The following ILDR2 variants were observed in gnomAD, a reference collection of about 807,000 sequenced individuals.
The protein encoded by ILDR2 is immunoglobulin-like domain-containing receptor 2.
ILDR2 carries 25 observed loss-of-function variants against 66.8 expected under a neutral mutation model. The observed-to-expected ratio is 0.37, with a 90% CI of 0.27 to 0.52. The LOEUF (loss-of-function observed/expected upper bound fraction) is 0.52, where lower values mean the gene tolerates loss of function less well. ILDR2 is among the 20% of genes least tolerant of loss of function. ILDR2 has a pLI of 0.88. For synonymous variants in ILDR2, 367 were observed against 357.2 expected (o/e 1.03, Z -0.31); for missense variants, 827 against 876.8 (o/e 0.94, Z 0.72).
In ILDR2 at chr1:166,908,655, A is replaced by C. The variant is rs1659396879; in HGVS notation, c.*10700T>G. ...TAATTAGGAGACAACAGGAAGTAGG[A>C]GACAAGAAATGAGGGTACCAGAAGA... On this transcript the variant is annotated 3_prime_UTR_variant, in exon 10 of 10. Coordinates refer to ENST00000271417, the MANE Select transcript of ILDR2 (RefSeq NM_199351.3). 6.6e-6 allele frequency: 1 copy of C among 152,272 alleles called. No individual in the cohort carries two copies. 9.4% of individuals were successfully genotyped at this position (152,272 alleles called of 1,614,324 possible).
At chr1:166,939,128 T>C (rs181738968) in intron 4 of ILDR2, among the ~76,000 whole-genome samples, 24 of 152,338 alleles carry the variant, frequency 1.6e-4, no homozygotes, top group African/African-American at 5.1e-4. Flanking sequence ...GTAACATGGT[T>C]GTACAATAAT....
chr1:166,950,618 T>C (rs1661919204), intron 3 of ILDR2, among the ~76,000 whole-genome samples: 1 of 152,020 alleles, frequency 6.6e-6, no homozygotes, highest in Admixed American at 6.6e-5. Flanking sequence ...CTCCCAAGAA[T>C]TCACTGATTT....
Position 166,924,858 on chromosome 1 carries a change from A to G in ILDR2, c.995-2049T>C, listed in dbSNP as rs181765642. Among the ~76,000 whole-genome samples the G allele has an allele frequency of 4.4e-4, 67 of 152,246 alleles. 1 individual carries two copies. Among genetic ancestry groups the G allele is most frequent in the Admixed American group, 3.8e-3 (58 of 15,304 alleles). On this transcript the variant is annotated intron_variant, in intron 7 of 9. Coordinates refer to ENST00000271417, the MANE Select transcript of ILDR2 (RefSeq NM_199351.3). The stretch of plus-strand genomic sequence containing the variant: ...AGCAAGATCTTCATCTTTATAAAAA[A>G]TTAAAAAATTAGTTGTGCATGGTGG...
At chr1:166,901,575 GT>G (rs959343394) in intron 2 of ILDR2, among the ~76,000 whole-genome samples, 16 of 151,880 alleles carry the variant, frequency 1.1e-4, no homozygotes, top group African/African-American at 3.1e-4. Context: ...GTCCCAATTT[GT>G]TTTTTTTATA....
intron 3 of ILDR2, among the ~76,000 whole-genome samples, chr1:166,955,669 A>G (rs1662237253): frequency 1.3e-5 from 2 of 152,242 alleles, no homozygotes; most frequent in Admixed American, 6.5e-5. Flanking sequence ...CTAAGGCATC[A>G]GAATAGTTGT....
rs1456615864 is a variant in ILDR2, at chr1:166,909,264, C to T, written c.*10091G>A. ...TCTCAGACTGCTAGTGGCTATATTC[C>T]TGCCTTTTGGAGTAAGTCTATCCTC... On this transcript the variant is annotated 3_prime_UTR_variant, in exon 10 of 10. Coordinates refer to ENST00000271417, the MANE Select transcript of ILDR2 (RefSeq NM_199351.3). The T allele has an allele frequency of 6.6e-6, 1 of 152,144 alleles. No individual in the cohort carries two copies. The highest frequency in any genetic ancestry group is 6.5e-5 in the Admixed American group (1 of 15,280). The allele number at this position is 152,144 out of a possible 1,614,324, so 9.4% of individuals were successfully genotyped here.
intron 1 of ILDR2, among the ~76,000 whole-genome samples, chr1:166,972,322 T>A (rs1663353752): frequency 1.3e-5 from 2 of 152,218 alleles, no homozygotes; most frequent in Admixed American, 1.3e-4. Context: ...CAGGAGTGTG[T>A]TCCCAGAGTG....
intron 6 of ILDR2, among the ~76,000 whole-genome samples, chr1:166,933,830 T>A (rs1660780995): frequency 6.6e-6 from 1 of 152,232 alleles, no homozygotes; most frequent in Non-Finnish European, 1.5e-5. Context: ...CATTAACTTT[T>A]ACTTCTCAGT....
At chr1:166,907,705 A>G (rs1221939111), downstream of ILDR2, among the ~76,000 whole-genome samples, 2 of 152,214 alleles carry the variant, frequency 1.3e-5, no homozygotes, top group Admixed American at 6.5e-5. Flanking sequence ...TTAAGAAAAT[A>G]TATTTTAAAA....
intron 6 of ILDR2, among the ~76,000 whole-genome samples, chr1:166,928,074 G>A (rs1225056295): frequency 1.3e-5 from 2 of 152,028 alleles, no homozygotes; most frequent in African/African-American, 2.4e-5. Flanking sequence ...AAGAGAAAGA[G>A]GAAAAAACGA....
rs759311422 is a variant in ILDR2, at chr1:166,936,637, A to G, written c.657T>C (p.Tyr219=). The G allele has an allele frequency of 1.9e-6, 3 of 1,614,006 alleles. No individual in the cohort carries two copies. The highest frequency in any genetic ancestry group is 1.1e-5 in the South Asian group (1 of 91,080). Residue 219 remains tyrosine (Y), a synonymous_variant, in exon 5 of 10, where the codon TAT becomes TAC. Coordinates refer to ENST00000271417, the MANE Select transcript of ILDR2 (RefSeq NM_199351.3). This position sits in a 1 kb window ranked among gnomAD's most constrained non-coding sequence, Gnocchi z 5.0. ...AATCTGGGCAGCATGGGCAGCGGACATAGCAGCAGCAGCTGTGAGGGCAGC... is the reference window on the plus strand; with the variant it reads ...AATCTGGGCAGCATGGGCAGCGGACGTAGCAGCAGCAGCTGTGAGGGCAGC... The part of the protein sequence containing the change: ...CQCCPHSCCC[Y]VRCPCCPDSC...
rs766727495 is a variant in ILDR2 at position 166,920,816 on chromosome 1, G to A, written c.1775C>T (p.Pro592Leu). Residue 592 changes from proline to leucine, a missense_variant, in exon 9 of 10, where the codon CCG becomes CTG. Pro to Leu is a moderately conservative substitution (Grantham distance 98). This residue lies in a region of ILDR2 where 390 missense variants were observed against 353.6 expected (regional missense o/e 1.10). Transcript: ENST00000271417. ...GGTCAGCTCCAGCTCGCTGTAGGGC[G>A]GCAGCGCGTCGTCGGACGCGTCCTC... is the stretch of plus-strand genomic sequence containing the variant. ...DQEDASDDAL[P>L]PYSELELTRG... 1.3e-6 allele frequency: 2 copies of A among 1,526,122 alleles called. No homozygotes were observed. Among genetic ancestry groups the A allele is most frequent in the South Asian group, 1.2e-5 (1 of 81,614 alleles). 94.5% of individuals were successfully genotyped at this position (1,526,122 alleles called of 1,614,324 possible).
chr1:166,939,395 A>C, intron 4 of ILDR2, 119 bp downstream of exon 4: 2 of 813,728 alleles, frequency 2.5e-6, no homozygotes, highest in Non-Finnish European at 4.2e-6. Context: ...CCTGGAAAAG[A>C]TCAGAGACAT....
chr1:166,920,661 C>T, intron 9 of ILDR2, 46 bp downstream of exon 9: 3 of 1,342,002 alleles, frequency 2.2e-6, no homozygotes, highest in Non-Finnish European at 1.9e-6. Flanking sequence ...TGCCTGGAGG[C>T]TCCCGCTCAG....
intron 3 of ILDR2, among the ~76,000 whole-genome samples, chr1:166,942,801 C>T (rs780174702): frequency 6.6e-6 from 1 of 152,242 alleles, no homozygotes; most frequent in African/African-American, 2.4e-5. Context: ...AATTGCTAGC[C>T]CTTCTTATTT....
At position 166,910,678 on chromosome 1, in the gene ILDR2, T is replaced by C. The variant is rs1243424025; in HGVS notation, c.*8677A>G. ...ACCTGATAAGTATTCAGGAAATGCTTATAACCAATTCAGCAGAAAATATAA... is the reference window on the plus strand; with the variant it reads ...ACCTGATAAGTATTCAGGAAATGCTCATAACCAATTCAGCAGAAAATATAA... On this transcript the variant is annotated 3_prime_UTR_variant, in exon 10 of 10. Transcript: ENST00000271417. The C allele has an allele frequency of 6.6e-6, 1 of 152,242 alleles. No homozygotes were observed. The highest frequency in any genetic ancestry group is 1.5e-5 in the Non-Finnish European group (1 of 68,044). 9.4% of individuals were successfully genotyped at this position (152,242 alleles called of 1,614,324 possible).
intron 1 of ILDR2, among the ~76,000 whole-genome samples, chr1:166,973,415 C>T (rs977989024): frequency 1.1e-4 from 16 of 152,258 alleles, no homozygotes; most frequent in African/African-American, 3.9e-4. Flanking sequence ...AGGACTCCAT[C>T]TCTATAAACT....
At chr1:166,930,850 T>C (rs936132972) in intron 6 of ILDR2, among the ~76,000 whole-genome samples, 1 of 152,326 alleles carries the variant, frequency 6.6e-6, no homozygotes, top group Middle Eastern at 3.4e-3. Flanking sequence ...TGGTGTCAGA[T>C]TGATTTTTAT....
intron 1 of ILDR2, among the ~76,000 whole-genome samples, chr1:166,973,696 C>T (rs1228547535): frequency 7.1e-6 from 1 of 140,430 alleles, no homozygotes; most frequent in Non-Finnish European, 1.5e-5. Flanking sequence ...TATTGATAAC[C>T]GAGAGTAGAG....
Sources: allele counts gnomAD v4.1 joint callset (sites outside exome capture counted in the v4.1 genomes callset), GRCh38; gene constraint gnomAD v4.1.1; regional missense constraint gnomAD v4.1.1; non-coding constraint Gnocchi (gnomAD v3.1); transcripts MANE v1.5; gene names NCBI Gene and HGNC (gene_info 2026-07-23, HGNC 2026-07-21).